Variants in MSRA observed in about 807,000 individuals in gnomAD.
The protein encoded by MSRA is methionine sulfoxide reductase A.
A neutral mutation model predicts 31.3 loss-of-function variants in MSRA; 54 were observed. The observed-to-expected ratio is 1.73, with a 90% CI of 1.39 to 2.17. MSRA has a LOEUF of 2.17. MSRA is among the 30% of genes most tolerant of loss of function. The probability of loss-of-function intolerance (pLI) is 0.00; values close to 1 mark genes in which losing one functional copy is unlikely to be tolerated. For synonymous variants in MSRA, 169 were observed against 116.5 expected (o/e 1.45, Z -2.90); for missense variants, 507 against 300.9 (o/e 1.69, Z -5.07).
intron 1 of MSRA, among the ~76,000 whole-genome samples, chr8:10,140,397 C>T (rs778728571): frequency 5.9e-5 from 9 of 152,188 alleles, no homozygotes; most frequent in Non-Finnish European, 8.8e-5. Context: ...GTCCTGAACC[C>T]CATCATTTGC....
At chr8:10,247,996 A>G (rs1159128219) in intron 3 of MSRA, among the ~76,000 whole-genome samples, 1 of 152,176 alleles carries the variant, frequency 6.6e-6, no homozygotes, top group African/African-American at 2.4e-5. Context: ...AGCAGGTTAC[A>G]CTGGCGGGCC....
Position 10,214,432 on chromosome 8 carries a change from AC to A in MSRA, c.211+6532del, listed in dbSNP as rs1219530321. On this transcript the variant is annotated intron_variant, in intron 2 of 5. Transcript: ENST00000317173. ...GGTTATTTGTCTGCCAGCCAAGAAA[AC>A]AACATTGGAAGCAGCCGGCAATATG... is the stretch of plus-strand genomic sequence containing the variant. Among the ~76,000 whole-genome samples the A allele has an allele frequency of 7.9e-5, 12 of 152,264 alleles. No homozygotes were observed. The East Asian group carries it at 2.3e-3, about 29-fold the overall frequency.
At chr8:10,129,367 G>T (rs1801733621) in intron 1 of MSRA, among the ~76,000 whole-genome samples, 1 of 152,052 alleles carries the variant, frequency 6.6e-6, no homozygotes, top group Non-Finnish European at 1.5e-5. Flanking sequence ...TGAAAAATGA[G>T]AATTAAAGTC....
chr8:10,274,735 G>C (rs1440567404), intron 3 of MSRA, among the ~76,000 whole-genome samples: 1 of 151,692 alleles, frequency 6.6e-6, no homozygotes, highest in Non-Finnish European at 1.5e-5. Context: ...TCATCCATCT[G>C]TACACCCACC....
At chr8:10,183,652 A>G (rs188346422) in intron 1 of MSRA, among the ~76,000 whole-genome samples, 1 of 152,264 alleles carries the variant, frequency 6.6e-6, no homozygotes, top group East Asian at 1.9e-4. Context: ...TTGTCCCCAC[A>G]CTTTCTTTTT....
chr8:10,110,484 A>G (rs1204894188), intron 1 of MSRA, among the ~76,000 whole-genome samples: 2 of 152,092 alleles, frequency 1.3e-5, no homozygotes, highest in African/African-American at 2.4e-5. Flanking sequence ...AAGTTAGGAG[A>G]AACAGTGCAA....
chr8:10,384,900 G>A (rs933775845), intron 5 of MSRA, among the ~76,000 whole-genome samples: 7 of 152,146 alleles, frequency 4.6e-5, no homozygotes, highest in African/African-American at 1.7e-4. Context: ...TGCTCAGGAA[G>A]CTGAGCCAGA....
intron 3 of MSRA, among the ~76,000 whole-genome samples, chr8:10,280,777 A>G (rs969366313): frequency 2.4e-4 from 36 of 152,366 alleles, no homozygotes; most frequent in African/African-American, 7.9e-4. Flanking sequence ...GAAACAACCC[A>G]AACGCGCATC....
Position 10,193,609 on chromosome 8 carries a change from C to T in MSRA, c.143-14224C>T, listed in dbSNP as rs111909818. Among the ~76,000 whole-genome samples the T allele has an allele frequency of 2.6e-3, 392 of 152,278 alleles. 2 individuals carry two copies. Among genetic ancestry groups the T allele is most frequent in the African/African-American group, 9.1e-3 (376 of 41,546 alleles). ...GAGCCACTACCATCTCCACTGACTT[C>T]CCTGAGTTAAGATGTTCTATTTCGC... On this transcript the variant is annotated intron_variant, in intron 1 of 5. Coordinates refer to ENST00000317173, the MANE Select transcript of MSRA (RefSeq NM_012331.5).
At chr8:10,426,032 C>A (rs1286814973) in intron 5 of MSRA, among the ~76,000 whole-genome samples, 1 of 152,184 alleles carries the variant, frequency 6.6e-6, no homozygotes, top group Non-Finnish European at 1.5e-5. Flanking sequence ...TATTCCATTT[C>A]CACAGCCACC....
chr8:10,271,337 T>G (rs1467224121), intron 3 of MSRA, among the ~76,000 whole-genome samples: 1 of 152,194 alleles, frequency 6.6e-6, no homozygotes, highest in Non-Finnish European at 1.5e-5. Flanking sequence ...TGATGTGGCT[T>G]CTTAAATATA....
In MSRA at chr8:10,054,481, C is replaced by A. The variant is rs1486881053; in HGVS notation, c.-36C>A. ...GCTGCGGCTCCGCTGCCGGTAGCGC[C>A]GTCCCCCGGGACCACCCTTCGGCTG... On this transcript the variant is annotated 5_prime_UTR_variant, in exon 1 of 6. Coordinates refer to ENST00000317173, the MANE Select transcript of MSRA (RefSeq NM_012331.5). 1.3e-6 allele frequency: 2 copies of A among 1,546,836 alleles called. No homozygotes were observed. The highest frequency in any genetic ancestry group is 2.7e-5 in the East Asian group (1 of 36,956).
intron 1 of MSRA, among the ~76,000 whole-genome samples, chr8:10,206,488 C>T (rs976675552): frequency 1.5e-4 from 23 of 152,362 alleles, no homozygotes; most frequent in African/African-American, 5.5e-4. Context: ...CTAAGGGCTA[C>T]AGGCAGCTTC....
chr8:10,388,293 C>A (rs1003998373), intron 5 of MSRA, among the ~76,000 whole-genome samples: 1 of 152,120 alleles, frequency 6.6e-6, no homozygotes, highest in Non-Finnish European at 1.5e-5. Flanking sequence ...TGAGGCTGTG[C>A]CTTCTCCCTC....
intron 2 of MSRA, among the ~76,000 whole-genome samples, chr8:10,213,629 G>A (rs959512393): frequency 6.6e-6 from 1 of 151,604 alleles, no homozygotes; most frequent in Non-Finnish European, 1.5e-5. Flanking sequence ...GTAGAGACGG[G>A]GTTTCACCAT....
In MSRA at chr8:10,307,113, C is replaced by T. The variant is rs542298365; in HGVS notation, c.436+5475C>T. Among the ~76,000 whole-genome samples the T allele has an allele frequency of 2.0e-5, 3 of 152,062 alleles. No homozygotes were observed. The South Asian group carries it at 6.2e-4, about 32-fold the overall frequency. On this transcript the variant is annotated intron_variant, in intron 4 of 5. Transcript: ENST00000317173. ...TAAAGCTCAGGTCTATTTTCTTTTC[C>T]ATACACTAGAGGAATCCAAGCTTCC...
intron 1 of MSRA, among the ~76,000 whole-genome samples, chr8:10,163,493 A>C (rs533256368): frequency 4.5e-4 from 68 of 152,302 alleles, no homozygotes; most frequent in African/African-American, 1.6e-3. Context: ...CACTGACATC[A>C]GCTAGTCATT....
intron 1 of MSRA, among the ~76,000 whole-genome samples, chr8:10,135,809 T>G (rs1802229473): frequency 6.6e-6 from 1 of 152,198 alleles, no homozygotes; most frequent in Admixed American, 6.5e-5. Context: ...GTTCTGGAAT[T>G]TTGTTGAGAC....
chr8:10,300,146 G>GTA (rs1403592304), intron 3 of MSRA, among the ~76,000 whole-genome samples: 5 of 152,150 alleles, frequency 3.3e-5, no homozygotes, highest in African/African-American at 9.6e-5. Flanking sequence ...GTGTGTGTGT[G>GTA]TGTGCACGCG....
Sources: allele counts gnomAD v4.1 joint callset (sites outside exome capture counted in the v4.1 genomes callset), GRCh38; gene constraint gnomAD v4.1.1; transcripts MANE v1.5; gene names NCBI Gene and HGNC (gene_info 2026-07-23, HGNC 2026-07-21).